Variants in PTPN14 observed in about 807,000 individuals in gnomAD.
PTPN14 encodes the protein protein tyrosine phosphatase non-receptor type 14.
Under a neutral mutation model 126.8 loss-of-function variants are expected in PTPN14, and 53 were observed. That is an observed-to-expected ratio of 0.42 (90% confidence interval 0.34 to 0.53). The LOEUF is 0.53. Among genes scored for constraint, PTPN14 ranks in the 20% least tolerant of loss-of-function variants. The pLI, the probability that PTPN14 is intolerant of heterozygous loss-of-function variation, is 0.08. For synonymous variants in PTPN14, 630 were observed against 599.3 expected, an observed-to-expected ratio of 1.05 and a Z score of -0.75; for missense variants, 1,257 against 1,552.9, an observed-to-expected ratio of 0.81 and a Z score of 3.20.
At chr1:214,549,204 TACTAC>T (rs1457709932) in intron 1 of PTPN14, among the ~76,000 whole-genome samples, 1 of 152,106 alleles carries the variant, frequency 6.6e-6, no homozygotes, top group Admixed American at 6.5e-5. Context: ...CTATGAACAA[TACTAC>T]AACACCACTT....
Position 214,414,681 on chromosome 1 carries a change from T to C in PTPN14, c.390A>G (p.Arg130=). The C allele has an allele frequency of 6.2e-7, 1 of 1,614,118 alleles. No homozygotes were observed. Among genetic ancestry groups the C allele is most frequent in the Non-Finnish European group, 8.5e-7 (1 of 1,179,962 alleles). ...LQVKKDVLEG[R]LRCTLDQVIR... Reference sequence around the variant, plus strand: ...TCACCTGGTCCAATGTACATCGTAATCGCCCTTCAAGCACATCTTTTTTGA... The same window carrying C: ...TCACCTGGTCCAATGTACATCGTAACCGCCCTTCAAGCACATCTTTTTTGA... The change falls in exon 4 of 19, where the codon CGA becomes CGG. Residue 130 remains arginine (R), a synonymous_variant. Transcript: ENST00000366956.
intron 1 of PTPN14, among the ~76,000 whole-genome samples, chr1:214,479,555 G>C (rs957259581): frequency 1.3e-5 from 2 of 151,834 alleles, no homozygotes; most frequent in Non-Finnish European, 2.9e-5. Flanking sequence ...GGCCAGGCTG[G>C]TCTCAAACTC....
intron 8 of PTPN14, 21 bp from the exon 9 acceptor site, chr1:214,395,007 T>C (rs1220800024): frequency 4.4e-6 from 7 of 1,582,714 alleles, no homozygotes; most frequent in Non-Finnish European, 6.1e-6. Context: ...GAAATGTCAC[T>C]GTGTTTACTC....
chr1:214,404,992 A>T (rs936285169), intron 5 of PTPN14, among the ~76,000 whole-genome samples: 5 of 152,154 alleles, frequency 3.3e-5, no homozygotes, highest in Non-Finnish European at 7.3e-5. Context: ...ACCATTCTTC[A>T]ATGTGACTCA....
chr1:214,427,804 T>C (rs186269865), intron 3 of PTPN14, among the ~76,000 whole-genome samples: 89 of 152,180 alleles, frequency 5.8e-4, no homozygotes, highest in Admixed American at 1.0e-3. Flanking sequence ...AATGAGGAGC[T>C]AGCCATGTGG....
At chr1:214,429,149 G>A (rs1659742093) in intron 3 of PTPN14, among the ~76,000 whole-genome samples, 1 of 152,090 alleles carries the variant, frequency 6.6e-6, no homozygotes, top group African/African-American at 2.4e-5. Context: ...CTTATAGACA[G>A]GATGATTTCC....
chr1:214,409,804 C>T (rs1446386564), intron 5 of PTPN14, among the ~76,000 whole-genome samples: 4 of 152,138 alleles, frequency 2.6e-5, no homozygotes, highest in Non-Finnish European at 5.9e-5. Flanking sequence ...TCCTCATACT[C>T]AATAACACTT....
chr1:214,503,957 C>G (rs1431827355), intron 1 of PTPN14, among the ~76,000 whole-genome samples: 3 of 152,098 alleles, frequency 2.0e-5, no homozygotes, highest in Non-Finnish European at 4.4e-5. Flanking sequence ...GTACATAGGG[C>G]TTTCTTGTGA....
At chr1:214,392,079 G>C (rs1223447011) in intron 10 of PTPN14, among the ~76,000 whole-genome samples, 1 of 152,168 alleles carries the variant, frequency 6.6e-6, no homozygotes, top group African/African-American at 2.4e-5. Context: ...TGCATGCATG[G>C]AGAAGGATGC....
At chr1:214,440,859 T>C (rs1660023203) in intron 3 of PTPN14, among the ~76,000 whole-genome samples, 1 of 152,208 alleles carries the variant, frequency 6.6e-6, no homozygotes. Context: ...AGACAGCACA[T>C]GCCTCTCTGC....
At chr1:214,522,145 G>A (rs1348533010) in intron 1 of PTPN14, among the ~76,000 whole-genome samples, 2 of 151,932 alleles carry the variant, frequency 1.3e-5, no homozygotes, top group African/African-American at 2.4e-5. Flanking sequence ...ATGTCGGCCA[G>A]GCTGATCTTG....
intron 1 of PTPN14, among the ~76,000 whole-genome samples, chr1:214,505,919 C>G (rs900604402): frequency 4.6e-5 from 7 of 152,040 alleles, no homozygotes; most frequent in African/African-American, 7.2e-5. Context: ...TTGTAATAAG[C>G]AGAAAATATT....
At chr1:214,372,910 A>C (rs530974384) in intron 15 of PTPN14, 71 bp from the exon 16 acceptor site, 1 of 1,585,154 alleles carries the variant, frequency 6.3e-7, no homozygotes, top group South Asian at 1.2e-5. Flanking sequence ...TCACCTGTCC[A>C]TCTGTATCCA....
intron 1 of PTPN14, among the ~76,000 whole-genome samples, chr1:214,470,799 A>AAACAAAAAAAC (rs1660736750): frequency 1.3e-5 from 2 of 149,890 alleles, no homozygotes; most frequent in Admixed American, 1.3e-4. Flanking sequence ...AAAAAAAAAA[A>AAACAAAAAAAC]AACTGCACTT....
At chr1:214,424,652 C>T (rs1259724975) in intron 3 of PTPN14, among the ~76,000 whole-genome samples, 1 of 151,994 alleles carries the variant, frequency 6.6e-6, no homozygotes, top group East Asian at 1.9e-4. Context: ...CTCAGCCTCC[C>T]GAGTAGCTGG....
intron 5 of PTPN14, among the ~76,000 whole-genome samples, chr1:214,403,464 A>T (rs1187033666): frequency 6.6e-6 from 1 of 152,178 alleles, no homozygotes; most frequent in East Asian, 1.9e-4. Context: ...GGGCAGAGGA[A>T]GCCATGACGG....
At chr1:214,505,300 C>T (rs1654812178) in intron 1 of PTPN14, among the ~76,000 whole-genome samples, 1 of 152,026 alleles carries the variant, frequency 6.6e-6, no homozygotes, top group Non-Finnish European at 1.5e-5. Context: ...AAGGGAACAC[C>T]CAGGGAAGCA....
intron 3 of PTPN14, among the ~76,000 whole-genome samples, chr1:214,417,816 C>A (rs1327640356): frequency 6.6e-6 from 1 of 152,038 alleles, no homozygotes; most frequent in Non-Finnish European, 1.5e-5. Context: ...AAATATTTCA[C>A]CCACCCCTCC....
chr1:214,525,299 CT>C (rs1430662993), intron 1 of PTPN14, among the ~76,000 whole-genome samples: 1 of 152,178 alleles, frequency 6.6e-6, no homozygotes, highest in Non-Finnish European at 1.5e-5. Flanking sequence ...TGACGGGACA[CT>C]TTTCTAAAAT....
Sources: allele counts gnomAD v4.1 joint callset (sites outside exome capture counted in the v4.1 genomes callset), GRCh38; gene constraint gnomAD v4.1.1; transcripts MANE v1.5; gene names NCBI Gene and HGNC (gene_info 2026-07-23, HGNC 2026-07-21).